The following ADAMTSL1 variants were observed in gnomAD, a reference collection of about 807,000 sequenced individuals.
ADAMTSL1 encodes the protein ADAMTS-like protein 1.
ADAMTSL1 carries 126 observed loss-of-function variants against 201.8 expected under a neutral mutation model. The ratio of observed to expected loss-of-function variants is 0.62; its 90% CI spans 0.54 to 0.72. The LOEUF (loss-of-function observed/expected upper bound fraction) is 0.72. ADAMTSL1 is among the 30% of genes least tolerant of loss of function. ADAMTSL1 has a pLI of 0.00. For synonymous variants in ADAMTSL1, 1,121 were observed against 903.4 expected (o/e 1.24, Z -4.32); for missense variants, 2,679 against 2,277.8 (o/e 1.18, Z -3.59).
chr9:18,711,732 G>A (rs1190012891), intron 14 of ADAMTSL1, among the ~76,000 whole-genome samples: 39 of 152,292 alleles, frequency 2.6e-4, no homozygotes, highest in Admixed American at 2.2e-3. Flanking sequence ...GCTCGAACTG[G>A]GTGGAGCCCA....
chr9:18,204,252 G>A (rs1212396447), intron 2 of ADAMTSL1, among the ~76,000 whole-genome samples: 1 of 152,024 alleles, frequency 6.6e-6, no homozygotes, highest in Non-Finnish European at 1.5e-5. Flanking sequence ...TGGATCATGG[G>A]GGTGGTTTCC....
intron 21 of ADAMTSL1, among the ~76,000 whole-genome samples, chr9:18,818,251 T>A (rs1823987328): frequency 6.6e-6 from 1 of 152,082 alleles, no homozygotes; most frequent in African/African-American, 2.4e-5. Context: ...CACAGTGGCA[T>A]GGCCACACCA....
intron 1 of ADAMTSL1, among the ~76,000 whole-genome samples, chr9:18,105,185 G>T (rs1425004697): frequency 2.0e-5 from 3 of 152,138 alleles, no homozygotes; most frequent in African/African-American, 7.2e-5. Context: ...TGTAAAACAA[G>T]CGAACTGGAA....
At chr9:18,774,506 C>T (rs760981952) in intron 17 of ADAMTSL1, among the ~76,000 whole-genome samples, 26 of 151,968 alleles carry the variant, frequency 1.7e-4, no homozygotes, top group Non-Finnish European at 3.4e-4. Flanking sequence ...TCTTCAAGAC[C>T]TTGGTGAGGA....
intron 1 of ADAMTSL1, among the ~76,000 whole-genome samples, chr9:18,504,423 G>T (rs1003519309): frequency 6.6e-6 from 1 of 152,210 alleles, no homozygotes; most frequent in Non-Finnish European, 1.5e-5. Context: ...AAGCAGTTTA[G>T]TGTGCACATG....
chr9:18,851,061 T>C (rs2131370535), intron 23 of ADAMTSL1, among the ~76,000 whole-genome samples: 1 of 152,354 alleles, frequency 6.6e-6, no homozygotes, highest in African/African-American at 2.4e-5. Context: ...CACTGTGGTC[T>C]ACCACAAGTT....
chr9:18,124,077 GTTTT>G (rs1157492042), intron 1 of ADAMTSL1, among the ~76,000 whole-genome samples: 1 of 70,834 alleles, frequency 1.4e-5, no homozygotes, highest in Admixed American at 2.0e-4. Context: ...TTATTTGCCA[GTTTT>G]TTTTTTTTTT....
chr9:18,680,615 T>C (rs1830414570), intron 11 of ADAMTSL1, 99 bp downstream of exon 11: 4 of 1,326,832 alleles, frequency 3.0e-6, no homozygotes, highest in Non-Finnish European at 4.3e-6. Flanking sequence ...TCCACACTCT[T>C]CTTGAGGTGT....
chr9:18,823,711 C>A (rs184709109), intron 21 of ADAMTSL1, among the ~76,000 whole-genome samples: 1 of 152,092 alleles, frequency 6.6e-6, no homozygotes, highest in African/African-American at 2.4e-5. Flanking sequence ...TTTGCAGGGC[C>A]GGCATGGTGG....
chr9:18,305,586 G>T (rs1049627950), intron 2 of ADAMTSL1, among the ~76,000 whole-genome samples: 2 of 152,182 alleles, frequency 1.3e-5, no homozygotes, highest in Non-Finnish European at 2.9e-5. Context: ...AAACAAAGCC[G>T]CAGGGAAGTT....
Position 18,218,238 on chromosome 9 carries a change from A to G in ADAMTSL1, c.207+54257A>G, listed in dbSNP as rs149884578. Among the ~76,000 whole-genome samples, 737 of 152,338 alleles carry G rather than the reference A, an allele frequency of 4.8e-3. 6 individuals are homozygous for G. The highest frequency in any genetic ancestry group is 0.016 in the African/African-American group (671 of 41,584). On this transcript the variant is annotated intron_variant, in intron 2 of 29. Coordinates refer to the ADAMTSL1 transcript ENST00000680146. ...AATTTTCTAACATATCCAACTGTATAGAAAATGCAGCAAGAGGTCCTACAA... is the reference window on the plus strand; with the variant it reads ...AATTTTCTAACATATCCAACTGTATGGAAAATGCAGCAAGAGGTCCTACAA...
chr9:18,034,695 A>T lies in ADAMTSL1; in HGVS notation c.87+127773A>T, dbSNP rs138923743. Among the ~76,000 whole-genome samples the T allele has an allele frequency of 2.1e-3, 320 of 152,128 alleles. 3 individuals are homozygous for T. The highest frequency in any genetic ancestry group is 7.3e-3 in the African/African-American group (303 of 41,502). On this transcript the variant is annotated intron_variant, in intron 1 of 29. Transcript: ENST00000680146. ...CTGTGTCATTCGTGCCTTCATTTTT[A>T]TTCTTACTTTCTCTACTCTGGCTTT...
At chr9:18,880,154 C>CA (rs139792657) in intron 23 of ADAMTSL1, among the ~76,000 whole-genome samples, 76 of 152,324 alleles carry the variant, frequency 5.0e-4, no homozygotes, top group African/African-American at 1.8e-3. Flanking sequence ...ACTTCCTCAA[C>CA]ACTGAAGTTT....
At chr9:18,134,158 C>G (rs1409910262) in intron 1 of ADAMTSL1, among the ~76,000 whole-genome samples, 1 of 152,144 alleles carries the variant, frequency 6.6e-6, no homozygotes, top group African/African-American at 2.4e-5. Context: ...TTACTAGGAA[C>G]TCCACATATG....
At chr9:18,670,204 A>C (rs1340443809) in intron 9 of ADAMTSL1, among the ~76,000 whole-genome samples, 1 of 152,202 alleles carries the variant, frequency 6.6e-6, no homozygotes, top group Non-Finnish European at 1.5e-5. Flanking sequence ...GCTTGGTGCC[A>C]TGGCAAAGGC....
chr9:18,272,770 C>G (rs781102846), intron 2 of ADAMTSL1, among the ~76,000 whole-genome samples: 3 of 152,168 alleles, frequency 2.0e-5, no homozygotes, highest in Non-Finnish European at 4.4e-5. Flanking sequence ...AGACCTGGCC[C>G]TCTCTTAACC....
intron 1 of ADAMTSL1, among the ~76,000 whole-genome samples, chr9:18,025,280 T>C (rs573778505): frequency 6.6e-6 from 1 of 152,258 alleles, no homozygotes; most frequent in South Asian, 2.1e-4. Flanking sequence ...TTGTCAATTT[T>C]TATTTTTGTT....
At chr9:18,819,621 C>A (rs1824086551) in intron 21 of ADAMTSL1, among the ~76,000 whole-genome samples, 1 of 152,166 alleles carries the variant, frequency 6.6e-6, no homozygotes, top group South Asian at 2.1e-4. Flanking sequence ...GGCCCTCTCT[C>A]TGGGACTTCA....
intron 2 of ADAMTSL1, among the ~76,000 whole-genome samples, chr9:18,239,091 T>C (rs1830959351): frequency 6.6e-6 from 1 of 152,238 alleles, no homozygotes; most frequent in Non-Finnish European, 1.5e-5. Context: ...TGCTAATGAT[T>C]ATCTGAGGCT....
Sources: gnomAD v4.1 joint callset for allele counts (sites outside exome capture counted in the v4.1 genomes callset) on GRCh38, gnomAD v4.1.1 for gene constraint, MANE v1.5 for transcripts, NCBI Gene and HGNC (gene_info 2026-07-23, HGNC 2026-07-21) for gene names.